The following RORA variants were observed in gnomAD, a reference collection of about 807,000 sequenced individuals.
The protein encoded by RORA is RAR related orphan receptor A, also known as nuclear receptor ROR-alpha.
In RORA, 7 loss-of-function variants were observed where a neutral mutation model predicts 69.5. The ratio of observed to expected loss-of-function variants is 0.10; its 90% CI spans 0.06 to 0.19. RORA has a LOEUF of 0.19. Among genes scored for constraint, RORA ranks in the 10% least tolerant of loss-of-function variants. The pLI, the probability that RORA is intolerant of heterozygous loss-of-function variation, is 1.00. For missense variants in RORA, 457 were observed against 663.0 expected (o/e 0.69, Z 3.41); for synonymous variants, 261 against 240.8 (o/e 1.08, Z -0.78).
intron 1 of RORA, among the ~76,000 whole-genome samples, chr15:61,220,820 A>C (rs2080088687): frequency 6.6e-6 from 1 of 152,172 alleles, no homozygotes; most frequent in South Asian, 2.1e-4. Flanking sequence ...AAGATAATTT[A>C]AAATTAGAAA....
At chr15:61,010,388 T>C (rs1895048153) in intron 1 of RORA, among the ~76,000 whole-genome samples, 1 of 152,174 alleles carries the variant, frequency 6.6e-6, no homozygotes, top group African/African-American at 2.4e-5. Flanking sequence ...TCTAAGACGG[T>C]CCATATCCTA....
chr15:60,602,750 G>A (rs373849804), intron 2 of RORA, among the ~76,000 whole-genome samples: 6 of 152,216 alleles, frequency 3.9e-5, no homozygotes, highest in Middle Eastern at 3.4e-3. Context: ...ACTTTGATTC[G>A]TCTTTCAGAT....
intron 2 of RORA, chr15:60,546,443 T>C (rs998810476): frequency 6.6e-6 from 1 of 152,164 alleles, no homozygotes; most frequent in African/African-American, 2.4e-5. Context: ...TTCACTCCAG[T>C]GTGGCTCTTT....
chr15:60,871,022 C>T lies in RORA; in HGVS notation c.167-192336G>A, dbSNP rs1425625545. On this transcript the variant is annotated intron_variant, in intron 1 of 10. Transcript: ENST00000335670. Reference sequence around the variant, plus strand: ...CAATGCAAGTTGGAGAGGTTTGATACTCATGCAAACACAGCCAGATCCTCT... The same window carrying T: ...CAATGCAAGTTGGAGAGGTTTGATATTCATGCAAACACAGCCAGATCCTCT... 9.2e-5 allele frequency among the ~76,000 whole-genome samples: 14 copies of T among 152,182 alleles called. 1 individual carries two copies. Among genetic ancestry groups the T allele is most frequent in the Admixed American group, 9.2e-4 (14 of 15,276 alleles).
At chr15:60,654,854 A>G (rs1422272598) in intron 2 of RORA, among the ~76,000 whole-genome samples, 1 of 152,186 alleles carries the variant, frequency 6.6e-6, no homozygotes, top group Non-Finnish European at 1.5e-5. Flanking sequence ...GGAAGTCGGG[A>G]AGCAGATATT....
At chr15:60,899,005 C>G (rs142072724) in intron 1 of RORA, among the ~76,000 whole-genome samples, 1 of 152,286 alleles carries the variant, frequency 6.6e-6, no homozygotes, top group East Asian at 1.9e-4. Flanking sequence ...TGCATTCATG[C>G]CACTGTAAAC....
At chr15:61,000,932 C>A (rs73436224) in intron 1 of RORA, among the ~76,000 whole-genome samples, 5,636 of 152,164 alleles carry the variant, frequency 0.037, 343 homozygotes, top group African/African-American at 0.13. Flanking sequence ...GATAAGAAGA[C>A]TGTAGCAAAT....
intron 1 of RORA, among the ~76,000 whole-genome samples, chr15:60,878,343 CAAAAAAA>C (rs35845582): frequency 0.029 from 1,999 of 68,416 alleles, 46 homozygotes; most frequent in African/African-American, 0.1. Context: ...GACTCTGTCT[CAAAAAAA>C]AAAAAAAAAA....
At chr15:60,614,885 A>G in intron 2 of RORA, 1 of 1,609,402 alleles carries the variant, frequency 6.2e-7, no homozygotes, top group African/African-American at 1.3e-5. Flanking sequence ...AAGCTCTCAA[A>G]TAACGCACCT....
At chr15:60,911,154 C>T (rs1209088115) in intron 1 of RORA, among the ~76,000 whole-genome samples, 4 of 135,224 alleles carry the variant, frequency 3.0e-5, no homozygotes, top group African/African-American at 8.8e-5. Context: ...AGGCTGGTCT[C>T]GAATTCCTGA....
At chr15:60,636,767 CA>C (rs2069849204) in intron 2 of RORA, among the ~76,000 whole-genome samples, 1 of 152,096 alleles carries the variant, frequency 6.6e-6, no homozygotes, top group Admixed American at 6.5e-5. Flanking sequence ...CACTACCATC[CA>C]GGGAGGGTTC....
intron 2 of RORA, chr15:60,627,570 G>A: frequency 7.6e-7 from 1 of 1,307,924 alleles, no homozygotes; most frequent in Non-Finnish European, 9.8e-7. Context: ...CAAAGAATGA[G>A]GTACTTACAA....
chr15:60,841,287 G>A (rs1349220191), intron 1 of RORA, among the ~76,000 whole-genome samples: 15 of 152,208 alleles, frequency 9.9e-5, no homozygotes, highest in Admixed American at 7.8e-4. Flanking sequence ...AAACACAGAG[G>A]AATCTAGGGC....
chr15:60,560,302 C>T (rs1005203988), intron 2 of RORA, among the ~76,000 whole-genome samples: 5 of 151,922 alleles, frequency 3.3e-5, no homozygotes, highest in Non-Finnish European at 7.4e-5. Flanking sequence ...AAAACAAACT[C>T]ATGTGACATA....
At chr15:60,775,775 A>G (rs1271303948) in intron 1 of RORA, among the ~76,000 whole-genome samples, 1 of 152,238 alleles carries the variant, frequency 6.6e-6, no homozygotes, top group East Asian at 1.9e-4. Flanking sequence ...ATAAACATGG[A>G]AAGATGAATA....
chr15:60,589,982 G>A (rs1228530214), intron 2 of RORA, among the ~76,000 whole-genome samples: 1 of 152,178 alleles, frequency 6.6e-6, no homozygotes, highest in Non-Finnish European at 1.5e-5. Flanking sequence ...TATTTAATAA[G>A]ATTCTAAGCC....
chr15:60,769,603 C>T (rs1567184307), intron 1 of RORA, among the ~76,000 whole-genome samples: 1 of 152,164 alleles, frequency 6.6e-6, no homozygotes, highest in Non-Finnish European at 1.5e-5. Context: ...TGGATTCCTT[C>T]TTTCTGGTCT....
At chr15:61,121,307 T>C (rs759173550) in intron 1 of RORA, among the ~76,000 whole-genome samples, 6 of 152,196 alleles carry the variant, frequency 3.9e-5, no homozygotes, top group Non-Finnish European at 7.3e-5. Context: ...CTGTCTGCAG[T>C]GGAGGGATGC....
At chr15:60,693,426 C>T (rs1378632746) in intron 1 of RORA, among the ~76,000 whole-genome samples, 1 of 152,142 alleles carries the variant, frequency 6.6e-6, no homozygotes, top group African/African-American at 2.4e-5. Context: ...TCCTATTCAA[C>T]ATAGTATTGG....
Sources: gnomAD v4.1 joint callset for allele counts (sites outside exome capture counted in the v4.1 genomes callset) on GRCh38, gnomAD v4.1.1 for gene constraint, MANE v1.5 for transcripts, NCBI Gene and HGNC (gene_info 2026-07-23, HGNC 2026-07-21) for gene names.